Variants in ACAP2 observed in about 807,000 individuals in gnomAD.
The protein encoded by ACAP2 is arf-GAP with coiled-coil, ANK repeat and PH domain-containing protein 2.
Under a neutral mutation model 115.8 loss-of-function variants are expected in ACAP2, and 39 were observed. The observed-to-expected ratio is 0.34, with a 90% CI of 0.26 to 0.44. The LOEUF is 0.44. Ranked by LOEUF, ACAP2 falls within the 20% of genes least tolerant of loss-of-function variation. The probability of loss-of-function intolerance (pLI) is 1.00; values close to 1 mark genes in which losing one functional copy is unlikely to be tolerated. For synonymous variants in ACAP2, 289 were observed against 315.8 expected, an observed-to-expected ratio of 0.92 and a Z score of 0.90; for missense variants, 662 against 927.6, an observed-to-expected ratio of 0.71 and a Z score of 3.72.
intron 13 of ACAP2, among the ~76,000 whole-genome samples, chr3:195,304,147 G>C (rs551621227): frequency 9.4e-6 from 1 of 106,840 alleles, no homozygotes; most frequent in South Asian, 3.4e-4. Flanking sequence ...CTGGGCAATG[G>C]AGTGAGACTC....
chr3:195,356,212 T>C (rs1731957046), intron 4 of ACAP2: 1 of 456,338 alleles, frequency 2.2e-6, no homozygotes, highest in Admixed American at 2.4e-5. Context: ...ACAGCAACTG[T>C]GGGACTACAA....
At chr3:195,423,344 C>T (rs1326333456) in intron 1 of ACAP2, among the ~76,000 whole-genome samples, 2 of 152,086 alleles carry the variant, frequency 1.3e-5, no homozygotes, top group Non-Finnish European at 2.9e-5. Context: ...GTATTTCGGC[C>T]GGGCATGGTG....
chr3:195,417,192 A>G (rs563280440), intron 1 of ACAP2, among the ~76,000 whole-genome samples: 16 of 150,270 alleles, frequency 1.1e-4, no homozygotes, highest in African/African-American at 3.7e-4. Context: ...TTAGCCTCCC[A>G]AAGTGCTGAC....
intron 1 of ACAP2, among the ~76,000 whole-genome samples, chr3:195,436,568 A>G (rs576209239): frequency 6.6e-6 from 1 of 152,288 alleles, no homozygotes; most frequent in Non-Finnish European, 1.5e-5. Flanking sequence ...ATGTCCTTAA[A>G]TCTAAAGTAT....
At chr3:195,326,772 C>A in intron 9 of ACAP2, 113 bp downstream of exon 9, 2 of 860,686 alleles carry the variant, frequency 2.3e-6, no homozygotes, top group Non-Finnish European at 1.8e-6. Context: ...TTTATCTGCA[C>A]AATTATTAGA....
chr3:195,416,831 G>A (rs2108823343), intron 1 of ACAP2, among the ~76,000 whole-genome samples: 1 of 152,184 alleles, frequency 6.6e-6, no homozygotes, highest in Middle Eastern at 3.4e-3. Flanking sequence ...TTCAACTTAA[G>A]TTTAATATGT....
chr3:195,413,373 T>A (rs1232817862), intron 1 of ACAP2, among the ~76,000 whole-genome samples: 1 of 152,190 alleles, frequency 6.6e-6, no homozygotes, highest in Non-Finnish European at 1.5e-5. Context: ...ATTATATGTA[T>A]ATTTCTGATA....
At chr3:195,352,462 C>T (rs1261832770) in intron 4 of ACAP2, among the ~76,000 whole-genome samples, 2 of 152,214 alleles carry the variant, frequency 1.3e-5, no homozygotes, top group Non-Finnish European at 2.9e-5. Flanking sequence ...ACAGTCTTCA[C>T]TTTAAAAATA....
At chr3:195,401,417 C>A (rs1212830590) in intron 1 of ACAP2, among the ~76,000 whole-genome samples, 2 of 152,166 alleles carry the variant, frequency 1.3e-5, no homozygotes, top group African/African-American at 2.4e-5. Flanking sequence ...GTAATCCCAG[C>A]ATTTTGGGAG....
At chr3:195,358,397 CA>C (rs899501012) in intron 4 of ACAP2, among the ~76,000 whole-genome samples, 1 of 151,986 alleles carries the variant, frequency 6.6e-6, no homozygotes, top group Non-Finnish European at 1.5e-5. Context: ...AATAAGGCAC[CA>C]GGGGCAAATC....
At chr3:195,308,681 T>G (rs1728567942) in intron 11 of ACAP2, 105 bp downstream of exon 11, 5 of 913,482 alleles carry the variant, frequency 5.5e-6, no homozygotes, top group Non-Finnish European at 8.3e-6. Flanking sequence ...AATAAATAAT[T>G]ACATTAATTT....
chr3:195,395,629 A>C (rs928892403), intron 1 of ACAP2, among the ~76,000 whole-genome samples: 1 of 152,252 alleles, frequency 6.6e-6, no homozygotes, highest in East Asian at 1.9e-4. Context: ...CTTCCACGCC[A>C]TGATGGCGTA....
At chr3:195,366,709 T>G (rs1732748494) in intron 4 of ACAP2, among the ~76,000 whole-genome samples, 1 of 152,226 alleles carries the variant, frequency 6.6e-6, no homozygotes, top group Non-Finnish European at 1.5e-5. Context: ...AATCTGGTTT[T>G]AATTAGCCTG....
At position 195,307,311 on chromosome 3, in the gene ACAP2, C is replaced by T; in HGVS notation, c.922G>A (p.Val308Met). 1 of 1,612,254 alleles carries T rather than the reference C, an allele frequency of 6.2e-7. No individual in the cohort carries two copies. Among genetic ancestry groups the T allele is most frequent in the South Asian group, 1.1e-5 (1 of 90,916 alleles). Residue 308 changes from valine to methionine, a missense_variant, in exon 12 of 23, where the codon GTG becomes ATG. By Grantham distance (21) the Val-to-Met change is conservative (BLOSUM62 1). Coordinates refer to ENST00000326793, the MANE Select transcript of ACAP2 (RefSeq NM_012287.6). ...CAAAGCCTGAGGTCTTCAACTACCA[C>T]AGTCGGATTATCCTATAGTGAGGAA... ...YQKKFKDNPT[V>M]VVEDLRLCTV...
At chr3:195,284,856 A>G (rs1726739776) in intron 22 of ACAP2, among the ~76,000 whole-genome samples, 1 of 152,250 alleles carries the variant, frequency 6.6e-6, no homozygotes, top group Non-Finnish European at 1.5e-5. Flanking sequence ...CAGACAGATG[A>G]GTAATTCATA....
chr3:195,296,504 T>C (rs1256397016), intron 16 of ACAP2, among the ~76,000 whole-genome samples: 3 of 152,202 alleles, frequency 2.0e-5, no homozygotes, highest in Non-Finnish European at 4.4e-5. Flanking sequence ...TCAGTCTTGT[T>C]TTAGTAAATA....
chr3:195,279,509 T>C, intron 22 of ACAP2, 81 bp from the exon 23 acceptor site: 2 of 839,894 alleles, frequency 2.4e-6, no homozygotes, highest in Non-Finnish European at 1.7e-6. Flanking sequence ...ACTAGTACTA[T>C]TTTATAATTC....
chr3:195,337,950 C>T (rs879702902), intron 6 of ACAP2, among the ~76,000 whole-genome samples: 11 of 151,672 alleles, frequency 7.3e-5, no homozygotes, highest in Non-Finnish European at 1.5e-4. Flanking sequence ...GCCACTCCCA[C>T]CTCAACCTGA....
At chr3:195,411,409 CACA>C (rs1279396085) in intron 1 of ACAP2, among the ~76,000 whole-genome samples, 2 of 152,136 alleles carry the variant, frequency 1.3e-5, no homozygotes, top group Non-Finnish European at 1.5e-5. Context: ...AATGGATAAG[CACA>C]ACATGACGTG....
Sources: allele counts gnomAD v4.1 joint callset (sites outside exome capture counted in the v4.1 genomes callset), GRCh38; gene constraint gnomAD v4.1.1; transcripts MANE v1.5; gene names NCBI Gene and HGNC (gene_info 2026-07-23, HGNC 2026-07-21).